Variants in CKAP4 observed in about 807,000 individuals in gnomAD.
The protein encoded by CKAP4 is cytoskeleton-associated protein 4.
Under a neutral mutation model 24.4 loss-of-function variants are expected in CKAP4, and 20 were observed. That is an observed-to-expected ratio of 0.82 (90% CI 0.58 to 1.19). The LOEUF (loss-of-function observed/expected upper bound fraction) is 1.19. Among genes scored for constraint, CKAP4 ranks in the 50% most tolerant of loss-of-function variants. The pLI is 0.00. For synonymous variants in CKAP4, 378 were observed against 351.7 expected, an observed-to-expected ratio of 1.07 and a Z score of -0.84; for missense variants, 744 against 765.3, an observed-to-expected ratio of 0.97 and a Z score of 0.33.
At chr12:106,240,466 T>C in intron 1 of CKAP4, 117 bp from the exon 2 acceptor site, 1 of 1,210,290 alleles carries the variant, frequency 8.3e-7, no homozygotes, top group Non-Finnish European at 1.1e-6. Flanking sequence ...TCACCACAAT[T>C]TTCCTTTGGA....
At position 106,239,962 on chromosome 12, in the gene CKAP4, CCTTT is replaced by C; in HGVS notation, c.867_870del (p.Glu291LeufsTer2). Reference sequence around the variant, plus strand: ...GAGGTCTGTATCTCCTTCACAGCTTCCTTTAAGGCTTTCAAATCCTGCTTGTTCC... The same window carrying C: ...GAGGTCTGTATCTCCTTCACAGCTTCAAGGCTTTCAAATCCTGCTTGTTCC... On this transcript the variant is annotated frameshift_variant, in exon 2 of 2. Coordinates refer to ENST00000378026, the MANE Select transcript of CKAP4 (RefSeq NM_006825.4). This position sits in a 1 kb window ranked among gnomAD's most constrained non-coding sequence, Gnocchi z 4.9. 1 of 1,614,150 alleles carries C rather than the reference CCTTT, an allele frequency of 6.2e-7. No individual in the cohort carries two copies. The highest frequency in any genetic ancestry group is 8.5e-7 in the Non-Finnish European group (1 of 1,180,022).
Position 106,239,662 on chromosome 12 carries a change from C to T in CKAP4, c.1171G>A (p.Gly391Arg), listed in dbSNP as rs901112944. ...AAGGCTTCCGAGTGTCTGAAGCCTC[C>T]GTCCTCCTTCGGCCCGTGGGAATCG... is the stretch of plus-strand genomic sequence containing the variant. ...KSDSHGPKED[G>R]GFRHSEAFEA... Residue 391 changes from glycine to arginine, a missense_variant, in exon 2 of 2, where the codon GGA (glycine) becomes AGA (arginine). Transcript: ENST00000378026. This position sits in a 1 kb window ranked among gnomAD's most constrained non-coding sequence, Gnocchi z 4.9. 26 of 1,614,068 alleles carry T rather than the reference C, an allele frequency of 1.6e-5. No individual in the cohort carries two copies. Among genetic ancestry groups the T allele is most frequent in the African/African-American group, 4.0e-5 (3 of 74,936 alleles).
intron 1 of CKAP4, among the ~76,000 whole-genome samples, chr12:106,244,151 T>TGTTC (rs1189477235): frequency 6.6e-6 from 1 of 152,220 alleles, no homozygotes; most frequent in Admixed American, 6.5e-5. Context: ...AATCTAACAC[T>TGTTC]GTTCTGGCCA....
chr12:106,244,908 G>A (rs1302980846), intron 1 of CKAP4, among the ~76,000 whole-genome samples: 2 of 152,172 alleles, frequency 1.3e-5, no homozygotes, highest in East Asian at 1.9e-4. Context: ...TGGGAAAACT[G>A]AGCCCCAAAG....
At position 106,247,228 on chromosome 12, in the gene CKAP4, C is replaced by A. The variant is rs1416916225; in HGVS notation, c.483+141G>T. Reference sequence around the variant, plus strand: ...GTGGAGTGGGATGTCTAGGCCAGGGCCCGCCAAGGAGGAGCGGCCGGCTCC... The same window carrying A: ...GTGGAGTGGGATGTCTAGGCCAGGGACCGCCAAGGAGGAGCGGCCGGCTCC... On this transcript the variant is annotated intron_variant, in intron 1 of 1. Transcript: ENST00000378026. The surrounding 1 kb of genome is among the most constrained non-coding windows in gnomAD (Gnocchi z 4.5). 2 of 669,640 alleles carry A rather than the reference C, an allele frequency of 3.0e-6. No homozygotes were observed. The highest frequency in any genetic ancestry group is 3.5e-5 in the Admixed American group (1 of 28,642). 41.5% of individuals were successfully genotyped at this position (669,640 alleles called of 1,614,324 possible). A position where few individuals can be genotyped will look rare whatever the true frequency, so the allele number is the denominator to read the frequency against.
intron 1 of CKAP4, among the ~76,000 whole-genome samples, chr12:106,245,212 C>G (rs775343144): frequency 2.0e-5 from 3 of 152,098 alleles, no homozygotes; most frequent in Non-Finnish European, 4.4e-5. Flanking sequence ...CTGGCACTAC[C>G]CTGGCCACCG....
intron 1 of CKAP4, among the ~76,000 whole-genome samples, chr12:106,243,753 A>G (rs1299293125): frequency 6.6e-6 from 1 of 152,222 alleles, no homozygotes; most frequent in Non-Finnish European, 1.5e-5. Flanking sequence ...CATCTGGAGA[A>G]CAAGAGACAG....
intron 1 of CKAP4, among the ~76,000 whole-genome samples, chr12:106,242,348 C>T (rs1345853112): frequency 2.0e-5 from 3 of 152,238 alleles, no homozygotes; most frequent in Non-Finnish European, 4.4e-5. Flanking sequence ...GAAATATCCT[C>T]AACCCATGCC....
rs921117428 is a variant in CKAP4, at chr12:106,240,314, C to T, written c.519G>A (p.Glu173=). Reference sequence around the variant, plus strand: ...TATGTTGGGAGCTTCTCAAGATGGACTCAAAAGTTCCAAATGTGGCTTGCA... The same window carrying T: ...TATGTTGGGAGCTTCTCAAGATGGATTCAAAAGTTCCAAATGTGGCTTGCA... ...QSLQATFGTF[E]SILRSSQHKQ... Residue 173 remains glutamate, a synonymous_variant, in exon 2 of 2, where the codon GAG becomes GAA. Transcript: ENST00000378026. The T allele has an allele frequency of 8.7e-6, 14 of 1,613,596 alleles. No homozygotes were observed. The African/African-American group carries it at 1.6e-4, about 18-fold the overall frequency.
intron 1 of CKAP4, among the ~76,000 whole-genome samples, chr12:106,245,350 T>C (rs941789152): frequency 6.6e-6 from 1 of 152,126 alleles, no homozygotes; most frequent in Non-Finnish European, 1.5e-5. Flanking sequence ...CCACAAAGCC[T>C]ACACAGAGCC....
rs1275795649 is a variant in CKAP4 at position 106,247,794 on chromosome 12, C to G, written c.58G>C (p.Glu20Gln). 9.5e-7 allele frequency: 1 copy of G among 1,052,594 alleles called. No individual in the cohort carries two copies. The highest frequency in any genetic ancestry group is 1.7e-5 in the African/African-American group (1 of 58,020). The allele number at this position is 1,052,594 out of a possible 1,614,324, so 65.2% of individuals were successfully genotyped here. Residue 20 changes from glutamate to glutamine, a missense_variant, in exon 1 of 2, where the codon GAG becomes CAG. By Grantham distance (29) the Glu-to-Gln change is conservative. Transcript: ENST00000378026. This position sits in a 1 kb window ranked among gnomAD's most constrained non-coding sequence, Gnocchi z 4.5. The part of the protein sequence containing the change: ...KGGHGAASPS[E>Q]KGAHPSGGAD... ...CCGCCCGACGGGTGGGCACCCTTCT[C>G]CGAGGGGCTCGCGGCGCCGTGGCCG... is the stretch of plus-strand genomic sequence containing the variant.
At position 106,247,282 on chromosome 12, in the gene CKAP4, G is replaced by A. The variant is rs2034020597; in HGVS notation, c.483+87C>T. 2.4e-6 allele frequency: 3 copies of A among 1,254,092 alleles called. No homozygotes were observed. The highest frequency in any genetic ancestry group is 3.2e-6 in the Non-Finnish European group (3 of 932,378). The allele number at this position is 1,254,092 out of a possible 1,614,324, so 77.7% of individuals were successfully genotyped here. Reference sequence around the variant, plus strand: ...CTCCGGGCCTGGGCAGGCAGCGCTAGGGGCCGGTCGGGAAGCACGAAGGAG... The same window carrying A: ...CTCCGGGCCTGGGCAGGCAGCGCTAAGGGCCGGTCGGGAAGCACGAAGGAG... On this transcript the variant is annotated intron_variant, in intron 1 of 1. Coordinates refer to ENST00000378026, the MANE Select transcript of CKAP4 (RefSeq NM_006825.4). This position sits in a 1 kb window ranked among gnomAD's most constrained non-coding sequence, Gnocchi z 4.5.
Position 106,247,284 on chromosome 12 carries a change from G to T in CKAP4, c.483+85C>A. 7.9e-7 allele frequency: 1 copy of T among 1,269,056 alleles called. No homozygotes were observed. The highest frequency in any genetic ancestry group is 1.1e-6 in the Non-Finnish European group (1 of 943,746). The allele number at this position is 1,269,056 out of a possible 1,614,324, so 78.6% of individuals were successfully genotyped here. A position where few individuals can be genotyped will look rare whatever the true frequency, so the allele number is the denominator to read the frequency against. On this transcript the variant is annotated intron_variant, in intron 1 of 1. Coordinates refer to ENST00000378026, the MANE Select transcript of CKAP4 (RefSeq NM_006825.4). This position sits in a 1 kb window ranked among gnomAD's most constrained non-coding sequence, Gnocchi z 4.5. ...CCGGGCCTGGGCAGGCAGCGCTAGGGGCCGGTCGGGAAGCACGAAGGAGCC... is the reference window on the plus strand; with the variant it reads ...CCGGGCCTGGGCAGGCAGCGCTAGGTGCCGGTCGGGAAGCACGAAGGAGCC...
chr12:106,240,269 T>C lies in CKAP4; in HGVS notation c.564A>G (p.Lys188=), dbSNP rs763873678. The C allele has an allele frequency of 2.5e-6, 4 of 1,614,160 alleles. No homozygotes were observed. Among genetic ancestry groups the C allele is most frequent in the Non-Finnish European group, 3.4e-6 (4 of 1,179,986 alleles). The change falls in exon 2 of 2, where the codon AAA becomes AAG. Residue 188 remains lysine, a synonymous_variant. Coordinates refer to ENST00000378026, the MANE Select transcript of CKAP4 (RefSeq NM_006825.4). ...SSQHKQDLTE[K]AVKQGESEVS... The stretch of plus-strand genomic sequence containing the variant: ...CCTCACTCTCCCCTTGCTTCACAGC[T>C]TTCTCTGTGAGGTCTTGTTTATGTT...
rs1196001991 is a variant in CKAP4 at position 106,239,940 on chromosome 12, G to A, written c.893C>T (p.Thr298Ile). The change falls in exon 2 of 2, where the codon ACC becomes ATC. Residue 298 changes from threonine (T) to isoleucine (I), a missense_variant. Thr to Ile is a moderately conservative substitution (Grantham distance 89). Transcript: ENST00000378026. The surrounding 1 kb of genome is among the most constrained non-coding windows in gnomAD (Gnocchi z 4.9). Reference protein sequence around the residue: ...ALKEAVKEIQTSAKSREWDME... With the variant: ...ALKEAVKEIQISAKSREWDME... Reference sequence around the variant, plus strand: ...GTCCCACTCTCTGGACTTGGCTGAGGTCTGTATCTCCTTCACAGCTTCCTT... The same window carrying A: ...GTCCCACTCTCTGGACTTGGCTGAGATCTGTATCTCCTTCACAGCTTCCTT... 4.3e-6 allele frequency: 7 copies of A among 1,614,158 alleles called. No homozygotes were observed. The highest frequency in any genetic ancestry group is 5.9e-6 in the Non-Finnish European group (7 of 1,180,034).
rs1479342024 is a variant in CKAP4 at position 106,247,593 on chromosome 12, C to CGGAGGCGGA, written c.250_258dup (p.Ser84_Ser86dup). On this transcript the variant is annotated inframe_insertion, in exon 1 of 2. Transcript: ENST00000378026. This position sits in a 1 kb window ranked among gnomAD's most constrained non-coding sequence, Gnocchi z 4.5. ...GAGGCGGCGGCGGCGGCAGCGGCGG[C>CGGAGGCGGA]GGAGGCGGAGGAGGAGGAGGAGGAC... 7 of 1,311,808 alleles carry CGGAGGCGGA rather than the reference C, an allele frequency of 5.3e-6. No individual in the cohort carries two copies. In the East Asian group the frequency reaches 1.5e-4, roughly 29 times the overall value. 81.3% of individuals were successfully genotyped at this position (1,311,808 alleles called of 1,614,324 possible).
chr12:106,241,808 C>CAA (rs1435080392), intron 1 of CKAP4, among the ~76,000 whole-genome samples: 1 of 151,782 alleles, frequency 6.6e-6, no homozygotes, highest in East Asian at 1.9e-4. Flanking sequence ...TATGGCCATG[C>CAA]AACACCAACA....
At chr12:106,244,638 TA>T (rs1360267749) in intron 1 of CKAP4, among the ~76,000 whole-genome samples, 1 of 151,956 alleles carries the variant, frequency 6.6e-6, no homozygotes, top group Non-Finnish European at 1.5e-5. Flanking sequence ...TAAAAATAAA[TA>T]AATAGCTGGA....
chr12:106,239,738 G>A lies in CKAP4; in HGVS notation c.1095C>T (p.Arg365=). 1 of 1,614,056 alleles carries A rather than the reference G, an allele frequency of 6.2e-7. No homozygotes were observed. Among genetic ancestry groups the A allele is most frequent in the East Asian group, 2.2e-5 (1 of 44,850 alleles). The change falls in exon 2 of 2, where the codon CGC becomes CGT. Residue 365 remains arginine (R), a synonymous_variant. Coordinates refer to ENST00000378026, the MANE Select transcript of CKAP4 (RefSeq NM_006825.4). This position sits in a 1 kb window ranked among gnomAD's most constrained non-coding sequence, Gnocchi z 4.9. The part of the protein sequence containing the change: ...KLLRSEESVS[R]LPEEIRRLEE... ...CCAGTCTCCGGATCTCCTCCGGGAG[G>A]CGGGAGACGGACTCCTCAGACCTGA... is the stretch of plus-strand genomic sequence containing the variant.
Sources: allele counts gnomAD v4.1 joint callset (sites outside exome capture counted in the v4.1 genomes callset), GRCh38; gene constraint gnomAD v4.1.1; non-coding constraint Gnocchi (gnomAD v3.1); transcripts MANE v1.5; gene names NCBI Gene and HGNC (gene_info 2026-07-23, HGNC 2026-07-21).